TTC34: variants seen among roughly 807,000 people sequenced by gnomAD.
The protein encoded by TTC34 is tetratricopeptide repeat protein 34.
Under a neutral mutation model 40.7 loss-of-function variants are expected in TTC34, and 44 were observed. The observed-to-expected ratio is 1.08, with a 90% confidence interval of 0.85 to 1.39. The LOEUF (loss-of-function observed/expected upper bound fraction) is 1.39. Among genes scored for constraint, TTC34 ranks in the 40% most tolerant of loss-of-function variants. TTC34 has a pLI of 0.00. For missense variants in TTC34, 884 were observed against 838.0 expected (o/e 1.05, Z -0.68); for synonymous variants, 422 against 398.6 (o/e 1.06, Z -0.70).
intron 6 of TTC34, among the ~76,000 whole-genome samples, chr1:2,691,082 T>C (rs1640596686): frequency 5.3e-5 from 3 of 56,784 alleles, no homozygotes; most frequent in Admixed American, 1.8e-4. Context: ...CATCTGATGC[T>C]TTGGAGCAGC....
chr1:2,749,413 C>A (rs1473962568), intron 6 of TTC34, among the ~76,000 whole-genome samples: 20 of 50,758 alleles, frequency 3.9e-4, no homozygotes, highest in South Asian at 1.1e-3. Flanking sequence ...CCCCCAGGTG[C>A]GCACGTGACA....
intron 6 of TTC34, among the ~76,000 whole-genome samples, chr1:2,648,072 T>C (rs887124013): frequency 6.6e-5 from 10 of 152,184 alleles, no homozygotes; most frequent in Admixed American, 6.5e-4. Flanking sequence ...CAAACATTTC[T>C]TTTACATGTT....
intron 2 of TTC34, among the ~76,000 whole-genome samples, chr1:2,790,685 T>C (rs1040184503): frequency 1.3e-5 from 2 of 152,236 alleles, no homozygotes; most frequent in African/African-American, 4.8e-5. Flanking sequence ...TACAACGCCT[T>C]TCCCTTGCCT....
At chr1:2,752,105 G>A (rs1460995966) in intron 6 of TTC34, among the ~76,000 whole-genome samples, 1 of 68,010 alleles carries the variant, frequency 1.5e-5, no homozygotes, top group Non-Finnish European at 2.7e-5. Flanking sequence ...GGCGAGCATC[G>A]GACAGCCTGG....
At chr1:2,674,965 T>C (rs1406720178) in intron 6 of TTC34, among the ~76,000 whole-genome samples, 1 of 102,570 alleles carries the variant, frequency 9.7e-6, no homozygotes, top group Non-Finnish European at 2.2e-5. Flanking sequence ...CCATAGCCCA[T>C]GGTGAGCACC....
At chr1:2,690,517 ACAGCCCG>A in intron 6 of TTC34, among the ~76,000 whole-genome samples, 1 of 126,710 alleles carries the variant, frequency 7.9e-6, no homozygotes, top group East Asian at 2.6e-4. Flanking sequence ...TGAGAATCTG[ACAGCCCG>A]GAGCAGCACC....
At chr1:2,781,592 C>A (rs1557686579) in intron 6 of TTC34, among the ~76,000 whole-genome samples, 1 of 152,130 alleles carries the variant, frequency 6.6e-6, no homozygotes, top group Non-Finnish European at 1.5e-5. Context: ...ATCATCCTTG[C>A]CTTGTTCCTG....
chr1:2,758,164 G>A (rs1641568700), intron 6 of TTC34, among the ~76,000 whole-genome samples: 48 of 146,140 alleles, frequency 3.3e-4, no homozygotes, highest in African/African-American at 1.2e-3. Context: ...CCCCAGGTGA[G>A]CATCTGACAG....
intron 6 of TTC34, among the ~76,000 whole-genome samples, chr1:2,753,045 G>C (rs1641377208): frequency 6.1e-5 from 9 of 148,752 alleles, no homozygotes; most frequent in East Asian, 2.0e-4. Flanking sequence ...GCCTGGAGCA[G>C]CACCCACACC....
chr1:2,677,737 G>A (rs1423445712), intron 6 of TTC34, among the ~76,000 whole-genome samples: 21 of 150,282 alleles, frequency 1.4e-4, no homozygotes, highest in East Asian at 4.0e-4. Flanking sequence ...TGCACCCCCA[G>A]GTGAGCATCT....
In TTC34 at chr1:2,786,991, C is replaced by G. The variant is rs1379925496; in HGVS notation, c.1854+490G>C. Among the ~76,000 whole-genome samples, 5 of 152,156 alleles carry G rather than the reference C, an allele frequency of 3.3e-5. No homozygotes were observed. The East Asian group carries it at 5.8e-4, about 18-fold the overall frequency. ...TCCCACCAGAGTGTAACCTTTAGAC[C>G]CCAGTTCAAACAGGAACCCGGGATA... On this transcript the variant is annotated intron_variant, in intron 4 of 8. Transcript: ENST00000401095.
exon 3 of TTC34, chr1:2,790,341 G>A (rs1643649581): frequency 5.0e-6 from 2 of 398,488 alleles, no homozygotes; most frequent in East Asian, 7.1e-5. Context: ...GCGGCTCGGC[G>A]CTCACCTGCG....
chr1:2,778,035 C>T (rs1386702929), intron 6 of TTC34, among the ~76,000 whole-genome samples: 1 of 152,210 alleles, frequency 6.6e-6, no homozygotes, highest in South Asian at 2.1e-4. Context: ...GCTCCCAGCC[C>T]CAAATGCATG....
intron 6 of TTC34, among the ~76,000 whole-genome samples, chr1:2,683,522 A>T (rs1282762499): frequency 1.4e-5 from 2 of 145,198 alleles, no homozygotes; most frequent in African/African-American, 2.6e-5. Flanking sequence ...CCACCAGGTG[A>T]GCATCTGATG....
intron 6 of TTC34, among the ~76,000 whole-genome samples, chr1:2,748,708 A>G (rs1364627314): frequency 6.9e-4 from 5 of 7,212 alleles, no homozygotes; most frequent in African/African-American, 9.7e-4. Context: ...ACAGCCTGGA[A>G]CAGAACCCAC....
chr1:2,684,317 C>G (rs1268254383), intron 6 of TTC34, among the ~76,000 whole-genome samples: 1 of 136,542 alleles, frequency 7.3e-6, no homozygotes. Flanking sequence ...CACCCACACC[C>G]CCAAGTGAGC....
chr1:2,758,538 C>T (rs1381005340), intron 6 of TTC34, among the ~76,000 whole-genome samples: 1 of 76,970 alleles, frequency 1.3e-5, no homozygotes, highest in South Asian at 5.6e-4. Context: ...CATCCGACAT[C>T]CTGAAACAGC....
chr1:2,649,779 G>A (rs751288950), intron 6 of TTC34, among the ~76,000 whole-genome samples: 1 of 152,112 alleles, frequency 6.6e-6, no homozygotes, highest in Non-Finnish European at 1.5e-5. Context: ...CTCCCAAAGT[G>A]CTGGGATTAC....
At chr1:2,683,687 T>C (rs1441119625) in intron 6 of TTC34, among the ~76,000 whole-genome samples, 2 of 137,512 alleles carry the variant, frequency 1.5e-5, no homozygotes, top group South Asian at 4.8e-4. Flanking sequence ...CAGGTGACGA[T>C]CTGACAGCCT....
Sources: allele counts gnomAD v4.1 joint callset (sites outside exome capture counted in the v4.1 genomes callset), GRCh38; gene constraint gnomAD v4.1.1; transcripts MANE v1.5; gene names NCBI Gene and HGNC (gene_info 2026-07-23, HGNC 2026-07-21).